The following TJAP1 variants were observed in gnomAD, a reference collection of about 807,000 sequenced individuals.
TJAP1 encodes tight junction associated protein 1, also known as tight junction-associated protein 1.
A neutral mutation model predicts 42.0 loss-of-function variants in TJAP1; 27 were observed. That is an observed-to-expected ratio of 0.64 (90% CI 0.47 to 0.89). The LOEUF (loss-of-function observed/expected upper bound fraction) is 0.89. Among genes scored for constraint, TJAP1 ranks in the 40% least tolerant of loss-of-function variants. TJAP1 has a pLI of 0.00. For synonymous variants in TJAP1, 257 were observed against 288.4 expected, an observed-to-expected ratio of 0.89 and a Z score of 1.10; for missense variants, 712 against 726.9, an observed-to-expected ratio of 0.98 and a Z score of 0.24.
At chr6:43,501,451 C>A in intron 5 of TJAP1, 75 bp from the exon 6 acceptor site, 2 of 1,385,716 alleles carry the variant, frequency 1.4e-6, no homozygotes, top group Non-Finnish European at 2.0e-6. Context: ...CCTTCCTGAG[C>A]CCACTCTGGA....
rs746342734 is a variant in TJAP1 at position 43,501,544 on chromosome 6, T to C, written c.147T>C (p.Asn49=). The change falls in exon 6 of 11, where the codon AAT becomes AAC. Residue 49 remains asparagine (N), a synonymous_variant. Coordinates refer to ENST00000372449, the Ensembl canonical transcript of TJAP1. The stretch of plus-strand genomic sequence containing the variant: ...CTGCCAGGCTCTTACAGGAGGAGAA[T>C]GAAGAGCTTCGCCGGCGCCTGGCCT... 3.0e-5 allele frequency: 49 copies of C among 1,613,586 alleles called. No homozygotes were observed. In the East Asian group the frequency reaches 1.0e-3, roughly 34 times the overall value.
At chr6:43,499,012 C>G in exon 4 of TJAP1, 1 of 1,613,886 alleles carries the variant, frequency 6.2e-7, no homozygotes, top group Non-Finnish European at 8.5e-7. Flanking sequence ...ATGACTAGTG[C>G]CGCCCCTGCT....
Position 43,505,287 on chromosome 6 carries a change from G to A in TJAP1, c.1106G>A (p.Arg369Gln), listed in dbSNP as rs147994267. ...AGCCTGGTAGAGGAGGGGAGTGAGCGGGCCCGCCCCAGCCCAGTGCCCAGC... is the reference window on the plus strand; with the variant it reads ...AGCCTGGTAGAGGAGGGGAGTGAGCAGGCCCGCCCCAGCCCAGTGCCCAGC... The change falls in exon 11 of 11, where the codon CGG becomes CAG. Residue 369 changes from arginine to glutamine, a missense_variant. This residue lies in a region of TJAP1 where 549 missense variants were observed against 528.2 expected (regional missense o/e 1.04). Coordinates refer to ENST00000372449, the Ensembl canonical transcript of TJAP1. This position sits in a 1 kb window ranked among gnomAD's most constrained non-coding sequence, Gnocchi z 5.5. 8,065 of 1,612,450 alleles carry A rather than the reference G, an allele frequency of 5.0e-3. 22 individuals are homozygous for A. The highest frequency in any genetic ancestry group is 6.6e-3 in the Middle Eastern group (40 of 6,060).
intron 2 of TJAP1, among the ~76,000 whole-genome samples, chr6:43,486,637 T>A (rs990355797): frequency 4.0e-5 from 6 of 151,682 alleles, no homozygotes; most frequent in African/African-American, 1.2e-4. Flanking sequence ...ATTACAGGTG[T>A]TAGCCACCAT....
Position 43,495,952 on chromosome 6 carries a change from C to T in TJAP1, c.-121-1929C>T, listed in dbSNP as rs1379639113. Among the ~76,000 whole-genome samples the T allele has an allele frequency of 1.3e-5, 2 of 152,142 alleles. No homozygotes were observed. The highest frequency in any genetic ancestry group is 4.8e-5 in the African/African-American group (2 of 41,420). On this transcript the variant is annotated intron_variant, in intron 2 of 10. Coordinates refer to ENST00000372449, the Ensembl canonical transcript of TJAP1. This position sits in a 1 kb window ranked among gnomAD's most constrained non-coding sequence, Gnocchi z 4.6. ...GTGTCCTCCCTGCCTGCCTGCCGTTCATGCAGGTGTTTCGGTACCAAGAGG... is the reference window on the plus strand; with the variant it reads ...GTGTCCTCCCTGCCTGCCTGCCGTTTATGCAGGTGTTTCGGTACCAAGAGG...
In TJAP1 at chr6:43,505,646, C is replaced by G. The variant is rs768629953; in HGVS notation, c.1465C>G (p.Pro489Ala). ...CAGGGAGGAAGAAGAGCTGAACCTG[C>G]CTATCAGTCCTGAGGAAGAGCGCCA... is the stretch of plus-strand genomic sequence containing the variant. The change falls in exon 11 of 11, where the codon CCT (proline) becomes GCT (alanine). Residue 489 changes from proline to alanine, a missense_variant. Pro to Ala is a conservative substitution (Grantham distance 27). Coordinates refer to ENST00000372449, the Ensembl canonical transcript of TJAP1. The surrounding 1 kb of genome is among the most constrained non-coding windows in gnomAD (Gnocchi z 5.5). 6.2e-7 allele frequency: 1 copy of G among 1,613,284 alleles called. No individual in the cohort carries two copies. The highest frequency in any genetic ancestry group is 8.5e-7 in the Non-Finnish European group (1 of 1,179,900).
rs1306762482 is a variant in TJAP1 at position 43,492,643 on chromosome 6, GA to G, written c.-121-5237del. ...GTGGGATCAGCCCACTGCTCTGGGG[GA>G]CTGCTATTCATGGGGAGTCAGTGGG... On this transcript the variant is annotated intron_variant, in intron 2 of 10. Coordinates refer to ENST00000372449, the Ensembl canonical transcript of TJAP1. This position sits in a 1 kb window ranked among gnomAD's most constrained non-coding sequence, Gnocchi z 4.2. Among the ~76,000 whole-genome samples, 6 of 152,224 alleles carry G rather than the reference GA, an allele frequency of 3.9e-5. No homozygotes were observed. Among genetic ancestry groups the G allele is most frequent in the Admixed American group, 3.3e-4 (5 of 15,290 alleles).
At chr6:43,499,329 T>C (rs1789984305) in intron 4 of TJAP1, among the ~76,000 whole-genome samples, 1 of 152,222 alleles carries the variant, frequency 6.6e-6, no homozygotes, top group Non-Finnish European at 1.5e-5. Flanking sequence ...CCTGAGTCTT[T>C]GTAGCTTAGC....
chr6:43,503,003 C>T (rs1464406478), intron 8 of TJAP1: 2 of 454,994 alleles, frequency 4.4e-6, no homozygotes, highest in East Asian at 8.8e-5. Flanking sequence ...TGCCACCGCG[C>T]CCTGCTTCCT....
At chr6:43,506,551 G>A (rs1792403811) in exon 11 of TJAP1, 2 of 152,752 alleles carry the variant, frequency 1.3e-5, no homozygotes, top group Admixed American at 1.3e-4. Context: ...CTATTTTACT[G>A]GTATGGCCTA....
chr6:43,498,253 C>T (rs985707019), intron 3 of TJAP1, among the ~76,000 whole-genome samples: 2 of 152,212 alleles, frequency 1.3e-5, no homozygotes, highest in East Asian at 3.9e-4. Flanking sequence ...ACATCATCTT[C>T]CCAACAACCC....
intron 6 of TJAP1, 61 bp from the exon 7 acceptor site, chr6:43,502,222 G>T: frequency 1.3e-6 from 2 of 1,581,110 alleles, no homozygotes; most frequent in South Asian, 2.2e-5. Flanking sequence ...CGGGGAGGCT[G>T]AACAGAGCCT....
chr6:43,500,737 T>C lies in TJAP1; in HGVS notation c.100-7T>C. The C allele has an allele frequency of 6.2e-7, 1 of 1,614,180 alleles. No individual in the cohort carries two copies. The highest frequency in any genetic ancestry group is 1.3e-5 in the African/African-American group (1 of 75,058). ...AGCTGAGCCTCAAGCCTCTCTTTTT[T>C]GCCTAGGAACCCCTGACTGATGCAG... On this transcript the variant is annotated splice_polypyrimidine_tract_variant and splice_region_variant and intron_variant, in intron 4 of 10. Coordinates refer to ENST00000372449, the Ensembl canonical transcript of TJAP1.
chr6:43,502,545 T>C, intron 7 of TJAP1, 43 bp from the exon 8 acceptor site: 2 of 1,550,982 alleles, frequency 1.3e-6, no homozygotes, highest in Non-Finnish European at 1.7e-6. Context: ...TTTCCTCGTC[T>C]CCCCCTCATG....
chr6:43,481,078 T>C (rs1785201056), intron 2 of TJAP1, among the ~76,000 whole-genome samples: 1 of 152,206 alleles, frequency 6.6e-6, no homozygotes, highest in South Asian at 2.1e-4. Context: ...CATGTTTGTT[T>C]GTCAGGATGG....
chr6:43,506,064 C>T, exon 11 of TJAP1: 1 of 437,808 alleles, frequency 2.3e-6, no homozygotes, highest in Non-Finnish European at 3.9e-6. Context: ...ATGGTTTTCC[C>T]TTTTTCTTAG....
chr6:43,479,932 T>G (rs1311593680), intron 2 of TJAP1, among the ~76,000 whole-genome samples: 1 of 151,674 alleles, frequency 6.6e-6, no homozygotes, highest in Non-Finnish European at 1.5e-5. Flanking sequence ...ATTGCACCAC[T>G]GCACTCCAGT....
chr6:43,502,762 A>C, intron 8 of TJAP1, 145 bp downstream of exon 8: 1 of 911,670 alleles, frequency 1.1e-6, no homozygotes. Flanking sequence ...TTTAACTGTC[A>C]ATGCCTCCCT....
At chr6:43,490,435 A>G (rs1039445608) in intron 2 of TJAP1, among the ~76,000 whole-genome samples, 1 of 152,228 alleles carries the variant, frequency 6.6e-6, no homozygotes, top group Non-Finnish European at 1.5e-5. Context: ...CAGATGAACT[A>G]GAGTGGGAAG....
Sources: allele counts gnomAD v4.1 joint callset (sites outside exome capture counted in the v4.1 genomes callset), GRCh38; gene constraint gnomAD v4.1.1; regional missense constraint gnomAD v4.1.1; non-coding constraint Gnocchi (gnomAD v3.1); transcripts MANE v1.5; gene names NCBI Gene and HGNC (gene_info 2026-07-23, HGNC 2026-07-21).